EIF4G2: variants seen among roughly 807,000 people sequenced by gnomAD.
EIF4G2 encodes the protein DAP-5.
EIF4G2 carries 8 observed loss-of-function variants against 117.7 expected under a neutral mutation model. The observed-to-expected ratio is 0.07, with a 90% CI of 0.04 to 0.12. EIF4G2 has a LOEUF of 0.12. EIF4G2 is among the 10% of genes least tolerant of loss of function. EIF4G2 has a pLI of 1.00. For missense variants in EIF4G2, 812 were observed against 1,086.2 expected, an observed-to-expected ratio of 0.75 and a Z score of 3.55; for synonymous variants, 413 against 367.8, an observed-to-expected ratio of 1.12 and a Z score of -1.41.
intron 13 of EIF4G2, 98 bp from the exon 14 acceptor site, chr11:10,801,872 T>A: frequency 7.9e-7 from 1 of 1,265,170 alleles, no homozygotes; most frequent in Non-Finnish European, 1.1e-6. Context: ...AAAGTTAGTT[T>A]AACTGAATTT....
rs1847558076 is a variant in EIF4G2, at chr11:10,806,014, A to G, written c.141T>C (p.Ala47=). The G allele has an allele frequency of 1.9e-6, 3 of 1,614,082 alleles. No homozygotes were observed. The Admixed American group carries it at 5.0e-5, about 27-fold the overall frequency. ...TGCTTCGTGCAGGAATCCATTTCTG[A>G]GCGTTTTGCCCTGGGGTTTTCCCCA... Residue 47 remains alanine, a synonymous_variant, in exon 4 of 22, where the codon GCT becomes GCC. Transcript: ENST00000339995.
chr11:10,807,118 T>C (rs537948554), intron 2 of EIF4G2, 137 bp downstream of exon 2: 24 of 1,352,018 alleles, frequency 1.8e-5, no homozygotes, highest in African/African-American at 1.8e-4. Context: ...ATGGCAGTTC[T>C]TAGAAGGCTG....
At position 10,799,329 on chromosome 11, in the gene EIF4G2, T is replaced by A. The variant is rs779591211; in HGVS notation, c.2420A>T (p.Gln807Leu). Reference sequence around the variant, plus strand: ...TACTGGCTTGAAAGATAGTAGTAGTTGTTTTTCCTGCTCTAACTGTTCTTT... The same window carrying A: ...TACTGGCTTGAAAGATAGTAGTAGTAGTTTTTCCTGCTCTAACTGTTCTTT... Residue 807 changes from glutamine (Q) to leucine (L), a missense_variant, in exon 20 of 22, where the codon CAA becomes CTA. Transcript: ENST00000339995. 1.2e-5 allele frequency: 20 copies of A among 1,613,848 alleles called. No homozygotes were observed. The highest frequency in any genetic ancestry group is 1.1e-4 in the African/African-American group (8 of 74,906).
rs147893651 is a variant in EIF4G2 at position 10,804,365 on chromosome 11, T to C, written c.405A>G (p.Leu135=). 6.8e-6 allele frequency: 11 copies of C among 1,614,024 alleles called. No individual in the cohort carries two copies. Among genetic ancestry groups the C allele is most frequent in the South Asian group, 2.2e-5 (2 of 91,090 alleles). ...GTGCATCTTCTGCCAATCGCAGACATAGCTGAGCATACAGTGAGCTATACT... is the reference window on the plus strand; with the variant it reads ...GTGCATCTTCTGCCAATCGCAGACACAGCTGAGCATACAGTGAGCTATACT... The change falls in exon 6 of 22, where the codon CTA becomes CTG. Residue 135 remains leucine (L), a synonymous_variant. Coordinates refer to ENST00000339995, the MANE Select transcript of EIF4G2 (RefSeq NM_001418.4).
chr11:10,806,747 AT>A (rs923922020), intron 3 of EIF4G2, 72 bp downstream of exon 3: 1 of 1,548,366 alleles, frequency 6.5e-7, no homozygotes, highest in African/African-American at 1.4e-5. Flanking sequence ...TATTGCCTTA[AT>A]TATACCGTCA....
intron 1 of EIF4G2, chr11:10,807,753 G>A (rs1847626162): frequency 2.0e-6 from 2 of 991,454 alleles, no homozygotes; most frequent in Non-Finnish European, 1.2e-6. Flanking sequence ...GCCTTGACGA[G>A]GCCAGCGACT....
chr11:10,808,266 G>A (rs529999498), intron 1 of EIF4G2: 2 of 1,207,582 alleles, frequency 1.7e-6, no homozygotes, highest in Non-Finnish European at 2.1e-6. Flanking sequence ...CCGACTCCAG[G>A]TCCTACACAC....
chr11:10,799,356 G>A lies in EIF4G2; in HGVS notation c.2393C>T (p.Ser798Phe). Residue 798 changes from serine (S) to phenylalanine (F), a missense_variant, in exon 20 of 22, where the codon TCC becomes TTC. This residue lies in a region of EIF4G2 where 571 missense variants were observed against 642.3 expected (regional missense o/e 0.89). Coordinates refer to ENST00000339995, the MANE Select transcript of EIF4G2 (RefSeq NM_001418.4). ...TTTTTCCTGCTCTAACTGTTCTTTG[G>A]AAGGAGCAGAGGATGAATCTGTTTC... is the stretch of plus-strand genomic sequence containing the variant. 3 of 1,613,422 alleles carry A rather than the reference G, an allele frequency of 1.9e-6. No individual in the cohort carries two copies. Among genetic ancestry groups the A allele is most frequent in the Non-Finnish European group, 2.5e-6 (3 of 1,180,010 alleles).
chr11:10,806,611 A>T, intron 3 of EIF4G2: 1 of 538,106 alleles, frequency 1.9e-6, no homozygotes, highest in Non-Finnish European at 3.3e-6. Context: ...GAATAAGGAA[A>T]AAAATAACAG....
chr11:10,800,718 A>T lies in EIF4G2; in HGVS notation c.1644+13T>A. The T allele has an allele frequency of 6.2e-7, 1 of 1,614,202 alleles. No homozygotes were observed. The highest frequency in any genetic ancestry group is 8.5e-7 in the Non-Finnish European group (1 of 1,180,008). On this transcript the variant is annotated intron_variant, in intron 16 of 21. Transcript: ENST00000339995. ...CAGGCTAATTACACTAAAATGGGAT[A>T]TTTGAAACTTACAGTTAGTTTAAGG...
intron 18 of EIF4G2, 61 bp from the exon 19 acceptor site, chr11:10,799,817 G>A: frequency 6.5e-7 from 1 of 1,550,336 alleles, no homozygotes; most frequent in Non-Finnish European, 8.7e-7. Context: ...GTCCTGTCCA[G>A]AGAGCAGAGC....
At chr11:10,801,454 G>C (rs764968486) in intron 14 of EIF4G2, 1 of 712,736 alleles carries the variant, frequency 1.4e-6, no homozygotes, top group African/African-American at 1.8e-5. Flanking sequence ...TGCTCTAACA[G>C]ACTTTAGGAG....
chr11:10,800,837 T>G lies in EIF4G2; in HGVS notation c.1540-2A>C, dbSNP rs1316066564. 4 of 1,613,806 alleles carry G rather than the reference T, an allele frequency of 2.5e-6. No homozygotes were observed. In the East Asian group the frequency reaches 6.7e-5, roughly 27 times the overall value. On this transcript the variant is annotated splice_acceptor_variant, in intron 15 of 21. Coordinates refer to ENST00000339995, the MANE Select transcript of EIF4G2 (RefSeq NM_001418.4). LOFTEE classifies it high-confidence loss of function. ...AGTTTTGAGACCAAGCTGAGGTGTC[T>G]AAAAAACAAGCAATGACAGACTTTT... is the stretch of plus-strand genomic sequence containing the variant.
chr11:10,799,379 T>C lies in EIF4G2; in HGVS notation c.2370A>G (p.Glu790=). 1 of 1,612,700 alleles carries C rather than the reference T, an allele frequency of 6.2e-7. No homozygotes were observed. The highest frequency in any genetic ancestry group is 8.5e-7 in the Non-Finnish European group (1 of 1,180,020). The change falls in exon 20 of 22, where the codon GAA becomes GAG. Residue 790 remains glutamate, a synonymous_variant. Coordinates refer to ENST00000339995, the MANE Select transcript of EIF4G2 (RefSeq NM_001418.4). ...TGGAAGGAGCAGAGGATGAATCTGTTTCATCGCTGGGGGGGTTTACTTCAC... is the reference window on the plus strand; with the variant it reads ...TGGAAGGAGCAGAGGATGAATCTGTCTCATCGCTGGGGGGGTTTACTTCAC...
rs11042964 is a variant in EIF4G2, at chr11:10,805,871, T to C, written c.248+36A>G. Reference sequence around the variant, plus strand: ...CACACCAAACACAGCTAATCCACACTTCCCATCTTTTAGTAAAACAGACCT... The same window carrying C: ...CACACCAAACACAGCTAATCCACACCTCCCATCTTTTAGTAAAACAGACCT... On this transcript the variant is annotated intron_variant, in intron 4 of 21. Transcript: ENST00000339995. The C allele has an allele frequency of 0.56, 905,294 of 1,613,038 alleles. 261,487 individuals are homozygous for C. Among genetic ancestry groups the C allele is most frequent in the South Asian group, 0.7 (63,468 of 91,056 alleles).
At chr11:10,807,454 G>C in intron 1 of EIF4G2, 73 bp from the exon 2 acceptor site, 1 of 1,441,142 alleles carries the variant, frequency 6.9e-7, no homozygotes. Flanking sequence ...CAATTACAAC[G>C]TATTTCAGAT....
In EIF4G2 at chr11:10,797,722, T is replaced by C. The variant is rs1326446952; in HGVS notation, c.*94A>G. ...TTCTGCTTTAAATATTGTGAAAACA[T>C]TACAGCGGAATGAATTTTCGCAGTG... On this transcript the variant is annotated 3_prime_UTR_variant, in exon 22 of 22. Coordinates refer to ENST00000339995, the MANE Select transcript of EIF4G2 (RefSeq NM_001418.4). The surrounding 1 kb of genome is among the most constrained non-coding windows in gnomAD (Gnocchi z 4.5). 6.9e-6 allele frequency: 9 copies of C among 1,299,492 alleles called. No homozygotes were observed. The highest frequency in any genetic ancestry group is 2.3e-5 in the East Asian group (1 of 43,348). The allele number at this position is 1,299,492 out of a possible 1,614,324, so 80.5% of individuals were successfully genotyped here. A position where few individuals can be genotyped will look rare whatever the true frequency, so the allele number is the denominator to read the frequency against.
chr11:10,805,210 T>TG (rs1175223276), intron 4 of EIF4G2, among the ~76,000 whole-genome samples, 195 bp from the exon 5 acceptor site: 3 of 152,208 alleles, frequency 2.0e-5, no homozygotes, highest in Admixed American at 6.5e-5. Context: ...TGAATTGGAC[T>TG]GGGGGGTCCC....
At chr11:10,807,640 A>T in intron 1 of EIF4G2, 1 of 1,072,628 alleles carries the variant, frequency 9.3e-7, no homozygotes, top group Non-Finnish European at 1.1e-6. Flanking sequence ...TGAAAAAGCC[A>T]CATTCTACTA....
Sources: gnomAD v4.1 joint callset for allele counts (sites outside exome capture counted in the v4.1 genomes callset) on GRCh38, gnomAD v4.1.1 for gene constraint, gnomAD v4.1.1 regional missense constraint, Gnocchi (gnomAD v3.1) non-coding constraint, MANE v1.5 for transcripts, NCBI Gene and HGNC (gene_info 2026-07-23, HGNC 2026-07-21) for gene names.